GOSR1: variants seen among roughly 807,000 people sequenced by gnomAD.
GOSR1 encodes the protein golgi SNAP receptor complex member 1.
Under a neutral mutation model 35.5 loss-of-function variants are expected in GOSR1, and 21 were observed. The ratio of observed to expected loss-of-function variants is 0.59; its 90% CI spans 0.42 to 0.85. GOSR1 has a LOEUF of 0.85. Ranked by LOEUF, GOSR1 falls within the 40% of genes least tolerant of loss-of-function variation. The pLI, the probability that GOSR1 is intolerant of heterozygous loss-of-function variation, is 0.00. For synonymous variants in GOSR1, 94 were observed against 106.6 expected, an observed-to-expected ratio of 0.88 and a Z score of 0.73; for missense variants, 285 against 309.6, an observed-to-expected ratio of 0.92 and a Z score of 0.60.
In GOSR1 at chr17:30,523,549, C is replaced by T. The variant is rs1968119381; in HGVS notation, c.*1171C>T. ...TGGGGGGGTCAGCCCCCCGCCCGGCCAGCCGCCCCGTCCGGGAGGGAGGTG... is the reference window on the plus strand; with the variant it reads ...TGGGGGGGTCAGCCCCCCGCCCGGCTAGCCGCCCCGTCCGGGAGGGAGGTG... On this transcript the variant is annotated 3_prime_UTR_variant, in exon 9 of 9. Transcript: ENST00000451249. 6.4e-6 allele frequency: 1 copy of T among 155,840 alleles called. No homozygotes were observed. The highest frequency in any genetic ancestry group is 1.9e-4 in the South Asian group (1 of 5,336). 9.7% of individuals were successfully genotyped at this position (155,840 alleles called of 1,614,324 possible).
intron 4 of GOSR1, among the ~76,000 whole-genome samples, chr17:30,486,872 A>G (rs957516248): frequency 1.3e-5 from 2 of 152,210 alleles, no homozygotes; most frequent in Non-Finnish European, 2.9e-5. Flanking sequence ...GGATAGGAAG[A>G]CTTTCGTCTA....
At chr17:30,499,119 T>C (rs1054022827) in intron 6 of GOSR1, among the ~76,000 whole-genome samples, 3 of 152,220 alleles carry the variant, frequency 2.0e-5, no homozygotes, top group Non-Finnish European at 2.9e-5. Flanking sequence ...TCTGCACTTA[T>C]TTCACCTAGC....
At chr17:30,512,895 C>A (rs528229896) in intron 7 of GOSR1, among the ~76,000 whole-genome samples, 65 of 152,172 alleles carry the variant, frequency 4.3e-4, no homozygotes, top group African/African-American at 1.4e-3. Context: ...ACTTGGGGTA[C>A]CTCATAGGGC....
At chr17:30,496,468 T>C (rs565480228) in intron 6 of GOSR1, among the ~76,000 whole-genome samples, 1 of 152,248 alleles carries the variant, frequency 6.6e-6, no homozygotes, top group Admixed American at 6.5e-5. Context: ...CACTACACTT[T>C]ACTGATTCTC....
At chr17:30,480,423 T>C (rs931563155) in intron 1 of GOSR1, among the ~76,000 whole-genome samples, 93 of 152,210 alleles carry the variant, frequency 6.1e-4, no homozygotes, top group Non-Finnish European at 1.6e-4. Context: ...GAATAATGGC[T>C]TCTTTCTTAT....
chr17:30,523,585 GC>G lies in GOSR1; in HGVS notation c.*1213del, dbSNP rs536023984. On this transcript the variant is annotated 3_prime_UTR_variant, in exon 9 of 9. Transcript: ENST00000451249. ...TCCGGGAGGGAGGTGGGGGGGATCA[GC>G]CCCCCGCCCGGCCAGCCGCCCCGTC... 1 of 154,842 alleles carries G rather than the reference GC, an allele frequency of 6.5e-6. No individual in the cohort carries two copies. Among genetic ancestry groups the G allele is most frequent in the Non-Finnish European group, 1.4e-5 (1 of 71,978 alleles). 9.6% of individuals were successfully genotyped at this position (154,842 alleles called of 1,614,324 possible). A position where few individuals can be genotyped will look rare whatever the true frequency, so the allele number is the denominator to read the frequency against.
At chr17:30,486,949 C>T (rs1413705201) in intron 4 of GOSR1, among the ~76,000 whole-genome samples, 2 of 152,014 alleles carry the variant, frequency 1.3e-5, no homozygotes, top group African/African-American at 4.8e-5. Context: ...AAACAAATGA[C>T]ATAATGACAC....
intron 5 of GOSR1, among the ~76,000 whole-genome samples, chr17:30,490,507 C>A (rs1914972645): frequency 6.6e-6 from 1 of 151,966 alleles, no homozygotes; most frequent in South Asian, 2.1e-4. Context: ...GATCTCTTAC[C>A]TCCCACCCTA....
At chr17:30,489,343 A>G (rs1383554690) in intron 4 of GOSR1, among the ~76,000 whole-genome samples, 1 of 152,196 alleles carries the variant, frequency 6.6e-6, no homozygotes, top group Non-Finnish European at 1.5e-5. Context: ...AGATGGCACC[A>G]CTATACTCCA....
intron 4 of GOSR1, among the ~76,000 whole-genome samples, chr17:30,488,699 G>A (rs768260827): frequency 2.0e-5 from 3 of 151,684 alleles, no homozygotes; most frequent in East Asian, 2.0e-4. Flanking sequence ...CCACCACACC[G>A]GCTAAGTTTT....
chr17:30,496,195 C>G (rs1283048704), intron 6 of GOSR1, among the ~76,000 whole-genome samples: 3 of 152,142 alleles, frequency 2.0e-5, no homozygotes, highest in Non-Finnish European at 2.9e-5. Flanking sequence ...GTCTCTATCC[C>G]CATTTGCTGT....
chr17:30,521,360 T>C (rs1055217983), intron 8 of GOSR1, among the ~76,000 whole-genome samples: 1 of 151,546 alleles, frequency 6.6e-6, no homozygotes, highest in African/African-American at 2.4e-5. Context: ...TTTTTGTATG[T>C]TTTGTAGAGA....
chr17:30,482,149 C>G (rs927794062), intron 2 of GOSR1, among the ~76,000 whole-genome samples: 1 of 151,946 alleles, frequency 6.6e-6, no homozygotes, highest in African/African-American at 2.4e-5. Context: ...ATTCTTACTG[C>G]ATGTTTATAT....
intron 6 of GOSR1, among the ~76,000 whole-genome samples, chr17:30,496,940 C>G (rs1967027738): frequency 6.6e-6 from 1 of 152,186 alleles, no homozygotes; most frequent in South Asian, 2.1e-4. Context: ...ACTAGAATTG[C>G]AGATTGTGCA....
intron 7 of GOSR1, among the ~76,000 whole-genome samples, chr17:30,511,475 A>G (rs1204778433): frequency 1.3e-5 from 2 of 152,198 alleles, no homozygotes; most frequent in South Asian, 4.1e-4. Flanking sequence ...ACCAATGTGT[A>G]AAGCATTGGT....
intron 2 of GOSR1, 87 bp downstream of exon 2, chr17:30,481,344 A>G: frequency 3.1e-6 from 3 of 963,440 alleles, no homozygotes; most frequent in Non-Finnish European, 4.7e-6. Flanking sequence ...AACTTCTGTA[A>G]GTTGGTCTAT....
intron 6 of GOSR1, among the ~76,000 whole-genome samples, chr17:30,510,396 T>A (rs192563002): frequency 6.6e-6 from 1 of 152,212 alleles, no homozygotes; most frequent in South Asian, 2.1e-4. Context: ...TTATATATAT[T>A]GTATGCGAAT....
At chr17:30,519,123 C>A (rs551524228) in intron 7 of GOSR1, among the ~76,000 whole-genome samples, 1 of 152,220 alleles carries the variant, frequency 6.6e-6, no homozygotes, top group African/African-American at 2.4e-5. Flanking sequence ...TGCAGTGGCT[C>A]CATCACAGCT....
chr17:30,488,726 C>CG (rs777632476), intron 4 of GOSR1, among the ~76,000 whole-genome samples: 2 of 151,430 alleles, frequency 1.3e-5, no homozygotes, highest in South Asian at 4.2e-4. Context: ...TTAGTAGAGA[C>CG]GGGGTTTCGC....
Sources: allele counts gnomAD v4.1 joint callset (sites outside exome capture counted in the v4.1 genomes callset), GRCh38; gene constraint gnomAD v4.1.1; transcripts MANE v1.5; gene names NCBI Gene and HGNC (gene_info 2026-07-23, HGNC 2026-07-21).